HECW1: variants seen among roughly 807,000 people sequenced by gnomAD.
The protein encoded by HECW1 is E3 ubiquitin-protein ligase HECW1.
A neutral mutation model predicts 182.3 loss-of-function variants in HECW1; 61 were observed. The ratio of observed to expected loss-of-function variants is 0.33; its 90% CI spans 0.27 to 0.41. The LOEUF is 0.41. HECW1 is among the 10% of genes least tolerant of loss of function. The pLI, the probability that HECW1 is intolerant of heterozygous loss-of-function variation, is 1.00. For missense variants in HECW1, 1,739 were observed against 2,108.9 expected, an observed-to-expected ratio of 0.82 and a Z score of 3.44; for synonymous variants, 859 against 832.6, an observed-to-expected ratio of 1.03 and a Z score of -0.55.
Position 43,283,935 on chromosome 7 carries a change from G to A in HECW1, c.28-27828G>A, listed in dbSNP as rs114999057. Among the ~76,000 whole-genome samples, 1,360 of 152,306 alleles carry A rather than the reference G, an allele frequency of 8.9e-3. 26 individuals carry two copies. Among genetic ancestry groups the A allele is most frequent in the African/African-American group, 0.031 (1,274 of 41,572 alleles). ...CTTCCCCCAGCTGCGGCTGCCTTGA[G>A]TGTCAGGAGTGGAACAGCCACACCT... On this transcript the variant is annotated intron_variant, in intron 3 of 29. Coordinates refer to ENST00000395891, the MANE Select transcript of HECW1 (RefSeq NM_015052.5).
chr7:43,367,236 G>T (rs1816769022), intron 6 of HECW1, among the ~76,000 whole-genome samples: 1 of 152,162 alleles, frequency 6.6e-6, no homozygotes, highest in Non-Finnish European at 1.5e-5. Flanking sequence ...TTTTATAATA[G>T]CCTTTGTGAA....
At chr7:43,446,107 GTCATTATT>G (rs766492120) in intron 11 of HECW1, among the ~76,000 whole-genome samples, 2 of 152,110 alleles carry the variant, frequency 1.3e-5, no homozygotes, top group African/African-American at 2.4e-5. Flanking sequence ...ACATATATTT[GTCATTATT>G]TATGTCCACT....
chr7:43,438,233 C>CAAATGGTA, intron 9 of HECW1, 88 bp downstream of exon 9: 1 of 1,090,450 alleles, frequency 9.2e-7, no homozygotes, highest in Admixed American at 2.3e-5. Context: ...ATAGTATAGT[C>CAAATGGTA]TCACAGAGAG....
chr7:43,464,848 G>A (rs55919009), intron 14 of HECW1, among the ~76,000 whole-genome samples: 21,450 of 151,850 alleles, frequency 0.14, 1,737 homozygotes, highest in South Asian at 0.23. Flanking sequence ...TTTCACCCAG[G>A]CTGGAGTGCA....
At position 43,549,098 on chromosome 7, in the gene HECW1, A is replaced by G. The variant is rs371485400; in HGVS notation, c.4249-1347A>G. Among the ~76,000 whole-genome samples, 87 of 152,216 alleles carry G rather than the reference A, an allele frequency of 5.7e-4. 1 individual carries two copies. Among genetic ancestry groups the G allele is most frequent in the African/African-American group, 2.0e-3 (82 of 41,448 alleles). ...TCACAACTGTGTTCAGTGCAGCCGGACAAAGGAACACACAGCCCATCCCTT... is the reference window on the plus strand; with the variant it reads ...TCACAACTGTGTTCAGTGCAGCCGGGCAAAGGAACACACAGCCCATCCCTT... On this transcript the variant is annotated intron_variant, in intron 26 of 29. Transcript: ENST00000395891.
At chr7:43,479,480 A>AG in intron 16 of HECW1, 130 bp from the exon 17 acceptor site, 1 of 1,099,446 alleles carries the variant, frequency 9.1e-7, no homozygotes, top group South Asian at 1.5e-5. Flanking sequence ...TAAAAAAGGA[A>AG]GTAGGGGTAG....
chr7:43,197,916 C>T (rs2152687313), intron 2 of HECW1, among the ~76,000 whole-genome samples: 1 of 152,092 alleles, frequency 6.6e-6, no homozygotes, highest in African/African-American at 2.4e-5. Flanking sequence ...GGCACTGGGC[C>T]CCTGATTCCC....
At chr7:43,259,450 AT>A (rs1270622402) in intron 3 of HECW1, among the ~76,000 whole-genome samples, 1 of 152,216 alleles carries the variant, frequency 6.6e-6, no homozygotes, top group Non-Finnish European at 1.5e-5. Flanking sequence ...AAGCAAGATA[AT>A]ATGATAAATA....
intron 6 of HECW1, among the ~76,000 whole-genome samples, chr7:43,395,864 A>G (rs2075211972): frequency 6.6e-6 from 1 of 152,238 alleles, no homozygotes; most frequent in African/African-American, 2.4e-5. Flanking sequence ...ATCACAACCT[A>G]TACAGCATCA....
chr7:43,382,535 A>G (rs943525134), intron 6 of HECW1, among the ~76,000 whole-genome samples: 4 of 152,274 alleles, frequency 2.6e-5, no homozygotes, highest in African/African-American at 9.6e-5. Context: ...GACAACATAT[A>G]CAAAACTGGA....
chr7:43,541,128 C>A (rs769525548), intron 24 of HECW1, 35 bp from the exon 25 acceptor site: 2 of 1,494,436 alleles, frequency 1.3e-6, no homozygotes, highest in Non-Finnish European at 1.9e-6. Flanking sequence ...TGTAAATTTC[C>A]ACTTACCGAT....
chr7:43,114,138 C>T lies in HECW1; in HGVS notation c.-266-19C>T, dbSNP rs777148267. On this transcript the variant is annotated intron_variant, in intron 1 of 29. Coordinates refer to ENST00000395891, the MANE Select transcript of HECW1 (RefSeq NM_015052.5). The stretch of plus-strand genomic sequence containing the variant: ...GTGGTGCAATTCTCCCCTTGTTTTC[C>T]CCCCTTCTCTTTGAAAAGATATCAA... 4.0e-5 allele frequency: 33 copies of T among 823,506 alleles called. No individual in the cohort carries two copies. Among genetic ancestry groups the T allele is most frequent in the Non-Finnish European group, 5.3e-5 (31 of 586,372 alleles). The allele number at this position is 823,506 out of a possible 1,614,324, so 51.0% of individuals were successfully genotyped here.
chr7:43,273,836 C>A (rs964861123), intron 3 of HECW1, among the ~76,000 whole-genome samples: 1 of 150,096 alleles, frequency 6.7e-6, no homozygotes, highest in Admixed American at 6.7e-5. Flanking sequence ...TAATATATGA[C>A]AGAAGTTGTA....
chr7:43,148,490 C>G (rs1788952446), intron 2 of HECW1, among the ~76,000 whole-genome samples: 1 of 151,504 alleles, frequency 6.6e-6, no homozygotes. Context: ...CTTGTCTTCA[C>G]TGTGATCCTT....
intron 16 of HECW1, among the ~76,000 whole-genome samples, chr7:43,476,877 T>G (rs1003122460): frequency 1.7e-4 from 26 of 152,110 alleles, no homozygotes; most frequent in Non-Finnish European, 3.4e-4. Flanking sequence ...AGAGGAATGA[T>G]TGAGAGATTT....
intron 3 of HECW1, among the ~76,000 whole-genome samples, chr7:43,281,386 G>A (rs1327756261): frequency 6.6e-6 from 1 of 152,220 alleles, no homozygotes; most frequent in Non-Finnish European, 1.5e-5. Context: ...TGTGTGCCAA[G>A]CTCTATACAT....
At chr7:43,137,022 A>G (rs1787612142) in intron 2 of HECW1, among the ~76,000 whole-genome samples, 1 of 152,224 alleles carries the variant, frequency 6.6e-6, no homozygotes, top group Non-Finnish European at 1.5e-5. Context: ...TTAAGCAACT[A>G]GACCCACCAT....
chr7:43,304,239 TCTC>T (rs1447729399), intron 3 of HECW1, among the ~76,000 whole-genome samples: 3 of 151,912 alleles, frequency 2.0e-5, no homozygotes, highest in Non-Finnish European at 4.4e-5. Context: ...CATCCCCACT[TCTC>T]CTGTACTGCC....
intron 5 of HECW1, among the ~76,000 whole-genome samples, chr7:43,332,565 G>T (rs902024123): frequency 1.3e-5 from 2 of 152,218 alleles, no homozygotes; most frequent in Admixed American, 6.5e-5. Context: ...GGGTGAGGCA[G>T]TGTCTGAAGG....
Sources: allele counts gnomAD v4.1 joint callset (sites outside exome capture counted in the v4.1 genomes callset), GRCh38; gene constraint gnomAD v4.1.1; transcripts MANE v1.5; gene names NCBI Gene and HGNC (gene_info 2026-07-23, HGNC 2026-07-21).